ZNF391: variants seen among roughly 807,000 people sequenced by gnomAD.
ZNF391 encodes zinc finger protein 391.
For synonymous variants in ZNF391, 126 were observed against 142.1 expected, an observed-to-expected ratio of 0.89 and a Z score of 0.80; for missense variants, 375 against 425.5, an observed-to-expected ratio of 0.88 and a Z score of 1.04.
intron 1 of ZNF391, among the ~76,000 whole-genome samples, chr6:27,378,971 T>C (rs1233326785): frequency 1.3e-5 from 2 of 152,136 alleles, no homozygotes; most frequent in Non-Finnish European, 2.9e-5. Flanking sequence ...TATATTCATA[T>C]GAATCATAGA....
intron 1 of ZNF391, among the ~76,000 whole-genome samples, chr6:27,398,061 T>G (rs1403647306): frequency 6.6e-6 from 1 of 152,214 alleles, no homozygotes; most frequent in African/African-American, 2.4e-5. Context: ...ACAGACAGCA[T>G]CATCCTGTTA....
Position 27,401,617 on chromosome 6 carries a change from C to T in ZNF391, c.*170C>T, listed in dbSNP as rs1761972250. ...TTCCATCCATCTATCCTTCTTTCGTCTCCCCTCCCTTCTTCCCTCCTTCCC... is the reference window on the plus strand; with the variant it reads ...TTCCATCCATCTATCCTTCTTTCGTTTCCCCTCCCTTCTTCCCTCCTTCCC... On this transcript the variant is annotated 3_prime_UTR_variant, in exon 3 of 3. Transcript: ENST00000244576. 1 of 477,910 alleles carries T rather than the reference C, an allele frequency of 2.1e-6. No homozygotes were observed. Among genetic ancestry groups the T allele is most frequent in the South Asian group, 5.2e-5 (1 of 19,262 alleles). 29.6% of individuals were successfully genotyped at this position (477,910 alleles called of 1,614,324 possible). A position where few individuals can be genotyped will look rare whatever the true frequency, so the allele number is the denominator to read the frequency against.
chr6:27,382,483 A>G (rs1296708786), intron 1 of ZNF391, among the ~76,000 whole-genome samples: 1 of 152,254 alleles, frequency 6.6e-6, no homozygotes, highest in African/African-American at 2.4e-5. Flanking sequence ...AAATGAAACA[A>G]AACAAATACA....
rs1319820713 is a variant in ZNF391, at chr6:27,374,881, C to A, written n.267C>A. On this transcript the variant is annotated non_coding_transcript_exon_variant, in exon 1 of 3. Transcript: ENST00000477999. This position sits in a 1 kb window ranked among gnomAD's most constrained non-coding sequence, Gnocchi z 5.3. ...CGCTCCTGCGCCTAGAAGCCTTCCA[C>A]GACCCTCAACCCCACAGAGCCCCGA... is the stretch of plus-strand genomic sequence containing the variant. 2.0e-5 allele frequency: 3 copies of A among 152,436 alleles called. No individual in the cohort carries two copies. The highest frequency in any genetic ancestry group is 7.2e-5 in the African/African-American group (3 of 41,586). The allele number at this position is 152,436 out of a possible 1,614,324, so 9.4% of individuals were successfully genotyped here. A position where few individuals can be genotyped will look rare whatever the true frequency, so the allele number is the denominator to read the frequency against.
intron 1 of ZNF391, among the ~76,000 whole-genome samples, chr6:27,381,087 G>C (rs986559484): frequency 5.9e-5 from 9 of 152,264 alleles, no homozygotes; most frequent in Non-Finnish European, 1.3e-4. Flanking sequence ...CCCTTGGGTG[G>C]TTGATGGGAC....
chr6:27,394,258 A>G (rs992547072), intron 1 of ZNF391, among the ~76,000 whole-genome samples: 1 of 152,190 alleles, frequency 6.6e-6, no homozygotes, highest in Non-Finnish European at 1.5e-5. Context: ...GCCCAGGAGG[A>G]CTTAAGGATT....
intron 1 of ZNF391, among the ~76,000 whole-genome samples, chr6:27,392,575 G>A (rs549523291): frequency 2.0e-5 from 3 of 152,328 alleles, no homozygotes; most frequent in African/African-American, 7.2e-5. Context: ...TACATAGATA[G>A]GGCTGTTAGT....
Position 27,374,912 on chromosome 6 carries a change from C to G in ZNF391, n.298C>G, listed in dbSNP as rs1761389866. ...TCAACCCCACAGAGCCCCGAGCAGG[C>G]TCGGGTTCCCGCAGGATACACTGCC... On this transcript the variant is annotated non_coding_transcript_exon_variant, in exon 1 of 3. Coordinates refer to the ZNF391 transcript ENST00000477999. This position sits in a 1 kb window ranked among gnomAD's most constrained non-coding sequence, Gnocchi z 5.3. 6.6e-6 allele frequency: 1 copy of G among 152,356 alleles called. No homozygotes were observed. Among genetic ancestry groups the G allele is most frequent in the Non-Finnish European group, 1.5e-5 (1 of 68,144 alleles). The allele number at this position is 152,356 out of a possible 1,614,324, so 9.4% of individuals were successfully genotyped here. A position where few individuals can be genotyped will look rare whatever the true frequency, so the allele number is the denominator to read the frequency against.
At position 27,400,507 on chromosome 6, in the gene ZNF391, T is replaced by C. The variant is rs1162445195; in HGVS notation, c.137T>C (p.Val46Ala). 6.2e-7 allele frequency: 1 copy of C among 1,614,052 alleles called. No individual in the cohort carries two copies. The highest frequency in any genetic ancestry group is 1.3e-5 in the African/African-American group (1 of 74,922). ...TTTGAGAACACAGTGGTCAGAAAAG[T>C]GTCAGTGACACTCAAAGAAATTTTC... Reference protein sequence around the residue: ...SSFENTVVRKVSVTLKEIFTG... With the variant: ...SSFENTVVRKASVTLKEIFTG... The change falls in exon 3 of 3, where the codon GTG (valine) becomes GCG (alanine). Residue 46 changes from valine (V) to alanine (A), a missense_variant. Transcript: ENST00000244576.
chr6:27,378,072 A>G (rs1481770801), intron 1 of ZNF391, among the ~76,000 whole-genome samples: 1 of 152,230 alleles, frequency 6.6e-6, no homozygotes, highest in South Asian at 2.1e-4. Flanking sequence ...TAATCTGAAG[A>G]AGAAATAATA....
chr6:27,376,721 A>C lies in ZNF391; in HGVS notation n.523+1584A>C, dbSNP rs1761423829. 6.6e-6 allele frequency among the ~76,000 whole-genome samples: 1 copy of C among 152,072 alleles called. No individual in the cohort carries two copies. Among genetic ancestry groups the C allele is most frequent in the Non-Finnish European group, 1.5e-5 (1 of 68,006 alleles). The stretch of plus-strand genomic sequence containing the variant: ...AAATACAAAAAAATTAGCTAGATGT[A>C]ATGGCGAGCCGCTTGAAGCTACTCC... On this transcript the variant is annotated intron_variant and non_coding_transcript_variant, in intron 1 of 2. Transcript: ENST00000477999. This position sits in a 1 kb window ranked among gnomAD's most constrained non-coding sequence, Gnocchi z 4.7.
At chr6:27,396,600 C>T (rs1202969939) in intron 1 of ZNF391, among the ~76,000 whole-genome samples, 1 of 152,006 alleles carries the variant, frequency 6.6e-6, no homozygotes, top group African/African-American at 2.4e-5. Flanking sequence ...GTGGTGTGTG[C>T]CTGTAGTCCC....
At position 27,376,564 on chromosome 6, in the gene ZNF391, G is replaced by A. The variant is rs1761421484; in HGVS notation, n.523+1427G>A. 5.3e-5 allele frequency among the ~76,000 whole-genome samples: 8 copies of A among 152,152 alleles called. 1 individual carries two copies. The South Asian group carries it at 1.7e-3, about 32-fold the overall frequency. The stretch of plus-strand genomic sequence containing the variant: ...CTGATCTTGTATACATCTCTGTATT[G>A]CAAATGACAACATCTCTGGGATCCA... On this transcript the variant is annotated intron_variant and non_coding_transcript_variant, in intron 1 of 2. Coordinates refer to the ZNF391 transcript ENST00000477999. The surrounding 1 kb of genome is among the most constrained non-coding windows in gnomAD (Gnocchi z 4.7).
chr6:27,381,821 T>C (rs1408942938), intron 1 of ZNF391, among the ~76,000 whole-genome samples: 1 of 152,062 alleles, frequency 6.6e-6, no homozygotes, highest in Admixed American at 6.6e-5. Context: ...TCACCTGAGG[T>C]CAGAAGTTTG....
intron 1 of ZNF391, among the ~76,000 whole-genome samples, chr6:27,382,234 G>A (rs564773505): frequency 1.1e-4 from 16 of 151,766 alleles, no homozygotes; most frequent in Non-Finnish European, 1.9e-4. Flanking sequence ...CTAGGAGGCT[G>A]ATTTATCACT....
intron 1 of ZNF391, among the ~76,000 whole-genome samples, chr6:27,379,706 A>G (rs1761469678): frequency 6.6e-6 from 1 of 152,226 alleles, no homozygotes; most frequent in African/African-American, 2.4e-5. Flanking sequence ...AGAGGGAATG[A>G]GAAAAGGAAC....
chr6:27,395,003 A>G (rs1394425335), intron 1 of ZNF391: 1 of 152,152 alleles, frequency 6.6e-6, no homozygotes, highest in Non-Finnish European at 1.5e-5. Context: ...AAGTAAATAA[A>G]TTGTGATTTA....
Position 27,395,510 on chromosome 6 carries a change from G to A in ZNF391, c.-187-3932G>A, listed in dbSNP as rs6929652. 8.0e-3 allele frequency among the ~76,000 whole-genome samples: 1,224 copies of A among 152,178 alleles called. 19 individuals are homozygous for A. The highest frequency in any genetic ancestry group is 0.028 in the African/African-American group (1,168 of 41,510). ...TTTTACAGCCTGCAGAACCGTGAGCGAATTAAACTTCTTTATAAATTACCC... is the reference window on the plus strand; with the variant it reads ...TTTTACAGCCTGCAGAACCGTGAGCAAATTAAACTTCTTTATAAATTACCC... On this transcript the variant is annotated intron_variant, in intron 1 of 2. Transcript: ENST00000244576.
Position 27,400,314 on chromosome 6 carries a change from C to A in ZNF391, c.-57C>A. The A allele has an allele frequency of 6.4e-6, 9 of 1,400,532 alleles. No individual in the cohort carries two copies. Among genetic ancestry groups the A allele is most frequent in the East Asian group, 4.6e-5 (2 of 43,668 alleles). 86.8% of individuals were successfully genotyped at this position (1,400,532 alleles called of 1,614,324 possible). On this transcript the variant is annotated 5_prime_UTR_variant, in exon 3 of 3. Transcript: ENST00000244576. ...TCAGATAGGGGGATTTGAGCTGAACCAAAGCATCAACACCAATCAGACTGT... is the reference window on the plus strand; with the variant it reads ...TCAGATAGGGGGATTTGAGCTGAACAAAAGCATCAACACCAATCAGACTGT...
Sources: allele counts gnomAD v4.1 joint callset (sites outside exome capture counted in the v4.1 genomes callset), GRCh38; gene constraint gnomAD v4.1.1; non-coding constraint Gnocchi (gnomAD v3.1); transcripts MANE v1.5; gene names NCBI Gene and HGNC (gene_info 2026-07-23, HGNC 2026-07-21).